The following FAM135B variants were observed in gnomAD, a reference collection of about 807,000 sequenced individuals.
The protein encoded by FAM135B is family with sequence similarity 135 member B.
In FAM135B, 43 loss-of-function variants were observed where a neutral mutation model predicts 127.7. The observed-to-expected ratio is 0.34, with a 90% CI of 0.26 to 0.43. FAM135B has a LOEUF of 0.43. Among genes scored for constraint, FAM135B ranks in the 20% least tolerant of loss-of-function variants. The probability of loss-of-function intolerance (pLI) is 1.00; values close to 1 mark genes in which losing one functional copy is unlikely to be tolerated. For synonymous variants in FAM135B, 670 were observed against 665.1 expected, an observed-to-expected ratio of 1.01 and a Z score of -0.11; for missense variants, 1,558 against 1,725.6, an observed-to-expected ratio of 0.90 and a Z score of 1.72.
chr8:138,472,077 TG>T (rs1208200833), intron 1 of FAM135B, among the ~76,000 whole-genome samples: 1 of 151,858 alleles, frequency 6.6e-6, no homozygotes, highest in African/African-American at 2.4e-5. Context: ...AATGAGAAAA[TG>T]AGGACAATAA....
chr8:138,195,214 A>C (rs1467688815), intron 9 of FAM135B, 44 bp downstream of exon 9: 3 of 1,594,410 alleles, frequency 1.9e-6, no homozygotes, highest in Admixed American at 1.8e-5. Flanking sequence ...GCCTTGCAAA[A>C]CTACTGCCAT....
At chr8:138,249,574 CCAG>C (rs1205197596) in intron 6 of FAM135B, among the ~76,000 whole-genome samples, 1 of 152,124 alleles carries the variant, frequency 6.6e-6, no homozygotes, top group Non-Finnish European at 1.5e-5. Flanking sequence ...GGAAAGGAAC[CCAG>C]CAGATGGGCG....
intron 3 of FAM135B, among the ~76,000 whole-genome samples, chr8:138,268,038 G>A (rs1162363050): frequency 6.6e-6 from 1 of 152,136 alleles, no homozygotes. Context: ...GAGCAGCCCT[G>A]AGCCGTCTGC....
intron 2 of FAM135B, among the ~76,000 whole-genome samples, chr8:138,366,378 C>A (rs1830735484): frequency 6.6e-6 from 1 of 152,162 alleles, no homozygotes; most frequent in Non-Finnish European, 1.5e-5. Context: ...AGTAGCACAG[C>A]CTGGACTCAG....
intron 2 of FAM135B, among the ~76,000 whole-genome samples, chr8:138,345,483 G>C (rs74425673): frequency 2.6e-5 from 4 of 152,126 alleles, no homozygotes; most frequent in African/African-American, 7.2e-5. Context: ...AATTCTAAAC[G>C]GACAGGGTGG....
At chr8:138,409,461 CAG>C (rs1833726520) in intron 1 of FAM135B, among the ~76,000 whole-genome samples, 1 of 152,000 alleles carries the variant, frequency 6.6e-6, no homozygotes, top group African/African-American at 2.4e-5. Context: ...AAATGGGACA[CAG>C]AGACACAAAG....
At position 138,251,034 on chromosome 8, in the gene FAM135B, G is replaced by A. The variant is rs776655054; in HGVS notation, c.369-20C>T. On this transcript the variant is annotated intron_variant, in intron 5 of 19. Coordinates refer to ENST00000395297, the MANE Select transcript of FAM135B (RefSeq NM_015912.4). Reference sequence around the variant, plus strand: ...CTCAACCTAGAAGGCAAGCATGTGAGCTCACGTGAGAAATGGTGGGTTGCC... The same window carrying A: ...CTCAACCTAGAAGGCAAGCATGTGAACTCACGTGAGAAATGGTGGGTTGCC... 2 of 1,613,010 alleles carry A rather than the reference G, an allele frequency of 1.2e-6. No individual in the cohort carries two copies. Among genetic ancestry groups the A allele is most frequent in the South Asian group, 2.2e-5 (2 of 91,032 alleles).
intron 4 of FAM135B, among the ~76,000 whole-genome samples, chr8:138,259,674 C>T (rs1221132201): frequency 6.6e-6 from 1 of 152,180 alleles, no homozygotes; most frequent in African/African-American, 2.4e-5. Context: ...GGTTCAAACC[C>T]TGGCTCTACG....
Position 138,435,034 on chromosome 8 carries a change from G to A in FAM135B, c.-20+61637C>T, listed in dbSNP as rs1408126656. 3.3e-5 allele frequency among the ~76,000 whole-genome samples: 5 copies of A among 152,160 alleles called. No homozygotes were observed. In the South Asian group the frequency reaches 6.2e-4, roughly 19 times the overall value. On this transcript the variant is annotated intron_variant, in intron 1 of 19. Transcript: ENST00000395297. ...GGCTGAAGCCACACGCCAGCCAGGCGCGGTGGCTCGCGCCTGTAATCCCAG... is the reference window on the plus strand; with the variant it reads ...GGCTGAAGCCACACGCCAGCCAGGCACGGTGGCTCGCGCCTGTAATCCCAG...
chr8:138,481,504 G>C (rs1018422120), intron 1 of FAM135B, among the ~76,000 whole-genome samples: 1 of 152,214 alleles, frequency 6.6e-6, no homozygotes, highest in South Asian at 2.1e-4. Context: ...AACGCCAGTG[G>C]AGCAGGCTTT....
At chr8:138,466,720 C>G (rs990502126) in intron 1 of FAM135B, among the ~76,000 whole-genome samples, 1 of 152,118 alleles carries the variant, frequency 6.6e-6, no homozygotes, top group African/African-American at 2.4e-5. Context: ...CTATTTTTAA[C>G]GCTCTTTGTT....
intron 1 of FAM135B, among the ~76,000 whole-genome samples, chr8:138,419,737 G>T (rs918350473): frequency 1.3e-5 from 2 of 152,104 alleles, no homozygotes; most frequent in Admixed American, 1.3e-4. Flanking sequence ...CAAACAATTT[G>T]CTCTTGAGTA....
At chr8:138,277,304 C>T (rs781453562) in intron 3 of FAM135B, among the ~76,000 whole-genome samples, 2 of 152,134 alleles carry the variant, frequency 1.3e-5, no homozygotes, top group Non-Finnish European at 2.9e-5. Context: ...TGTGCATGGA[C>T]ACGGGAATTC....
intron 6 of FAM135B, among the ~76,000 whole-genome samples, chr8:138,246,503 T>C (rs1464229930): frequency 2.0e-5 from 3 of 152,140 alleles, no homozygotes; most frequent in Non-Finnish European, 2.9e-5. Flanking sequence ...AAGCCTCTAC[T>C]TGATGTTGAG....
chr8:138,469,080 A>G (rs1461283554), intron 1 of FAM135B, among the ~76,000 whole-genome samples: 1 of 151,972 alleles, frequency 6.6e-6, no homozygotes, highest in Non-Finnish European at 1.5e-5. Flanking sequence ...GAGAAAAAGA[A>G]AGAAAGAAAA....
chr8:138,408,483 G>A (rs1358797467), intron 1 of FAM135B, among the ~76,000 whole-genome samples: 1 of 152,134 alleles, frequency 6.6e-6, no homozygotes, highest in Non-Finnish European at 1.5e-5. Flanking sequence ...CTATAGAATT[G>A]AAAAGAGTTA....
At chr8:138,426,067 A>ACG (rs1834864717) in intron 1 of FAM135B, among the ~76,000 whole-genome samples, 1 of 90,514 alleles carries the variant, frequency 1.1e-5, no homozygotes, top group Admixed American at 1.4e-4. Flanking sequence ...ATATACACAC[A>ACG]CACACATATA....
chr8:138,387,061 T>G (rs1832261959), intron 1 of FAM135B, among the ~76,000 whole-genome samples: 1 of 152,342 alleles, frequency 6.6e-6, no homozygotes, highest in South Asian at 2.1e-4. Flanking sequence ...TGAGTATCTG[T>G]GAGATTTATC....
intron 7 of FAM135B, among the ~76,000 whole-genome samples, chr8:138,225,502 GA>G (rs948315993): frequency 1.3e-4 from 19 of 151,630 alleles, no homozygotes; most frequent in African/African-American, 4.4e-4. Context: ...AGAAGAAAAA[GA>G]AAAAAACTTT....
Sources: gnomAD v4.1 joint callset for allele counts (sites outside exome capture counted in the v4.1 genomes callset) on GRCh38, gnomAD v4.1.1 for gene constraint, MANE v1.5 for transcripts, NCBI Gene and HGNC (gene_info 2026-07-23, HGNC 2026-07-21) for gene names.